GPC5: variants seen among roughly 807,000 people sequenced by gnomAD.
GPC5 encodes the protein glypican 5.
A neutral mutation model predicts 53.9 loss-of-function variants in GPC5; 47 were observed. The observed-to-expected ratio is 0.87, with a 90% CI of 0.69 to 1.11. The LOEUF (loss-of-function observed/expected upper bound fraction) is 1.11, where lower values mean the gene tolerates loss of function less well. Among genes scored for constraint, GPC5 ranks in the 50% most tolerant of loss-of-function variants. The pLI is 0.00. For synonymous variants in GPC5, 286 were observed against 263.3 expected (o/e 1.09, Z -0.84); for missense variants, 748 against 713.1 (o/e 1.05, Z -0.56).
intron 7 of GPC5, among the ~76,000 whole-genome samples, chr13:92,194,167 C>T (rs1052111761): frequency 1.3e-5 from 2 of 152,138 alleles, no homozygotes; most frequent in Non-Finnish European, 2.9e-5. Context: ...TTATGAAGTA[C>T]AGATTATTAT....
intron 7 of GPC5, among the ~76,000 whole-genome samples, chr13:92,658,349 A>G (rs1886208407): frequency 6.6e-6 from 1 of 152,186 alleles, no homozygotes; most frequent in African/African-American, 2.4e-5. Context: ...TGTATACTCA[A>G]TCTTATACAG....
intron 7 of GPC5, among the ~76,000 whole-genome samples, chr13:92,245,269 A>G (rs1181802087): frequency 6.6e-6 from 1 of 151,924 alleles, no homozygotes; most frequent in Non-Finnish European, 1.5e-5. Flanking sequence ...AAATATCACC[A>G]TTTCAAAGGG....
Position 92,144,972 on chromosome 13 carries a change from C to T in GPC5, c.1544C>T (p.Thr515Ile), listed in dbSNP as rs774072003. ...GGSGSGEVKR[T>I]LKITDWMPDD... ...TCAGGAAGTGGAGAAGTCAAGAGGA[C>T]ACTGAAGATCACAGACTGTAAGTGT... Residue 515 changes from threonine (T) to isoleucine (I), a missense_variant, in exon 7 of 8, where the codon ACA becomes ATA. Transcript: ENST00000377067. 3.3e-6 allele frequency: 5 copies of T among 1,520,444 alleles called. No individual in the cohort carries two copies. Among genetic ancestry groups the T allele is most frequent in the Non-Finnish European group, 4.4e-6 (5 of 1,138,902 alleles). The allele number at this position is 1,520,444 out of a possible 1,614,324, so 94.2% of individuals were successfully genotyped here.
At chr13:92,697,963 T>C (rs1194915216) in intron 7 of GPC5, among the ~76,000 whole-genome samples, 1 of 152,184 alleles carries the variant, frequency 6.6e-6, no homozygotes, top group Non-Finnish European at 1.5e-5. Context: ...TCATGTGGTT[T>C]TTGTCACTGG....
intron 7 of GPC5, among the ~76,000 whole-genome samples, chr13:92,659,691 TCAGACATTA>T (rs1886272167): frequency 6.6e-6 from 1 of 152,162 alleles, no homozygotes; most frequent in Non-Finnish European, 1.5e-5. Context: ...TTCAATAATG[TCAGACATTA>T]CAATGTTACA....
chr13:92,375,535 C>T (rs557050930), intron 7 of GPC5, among the ~76,000 whole-genome samples: 43 of 152,280 alleles, frequency 2.8e-4, no homozygotes, highest in African/African-American at 1.0e-3. Flanking sequence ...CAAAGTGCCT[C>T]AGCAGGCTTT....
At chr13:91,682,740 C>T (rs572499018) in intron 2 of GPC5, among the ~76,000 whole-genome samples, 1 of 152,264 alleles carries the variant, frequency 6.6e-6, no homozygotes, top group South Asian at 2.1e-4. Flanking sequence ...CACTAGTCAC[C>T]ATGCTGCATT....
intron 7 of GPC5, among the ~76,000 whole-genome samples, chr13:92,771,648 C>G (rs1228185340): frequency 1.3e-5 from 2 of 152,038 alleles, no homozygotes; most frequent in African/African-American, 4.8e-5. Flanking sequence ...CCGCCCTTAT[C>G]CAGTTTTTCT....
At chr13:92,079,272 G>A (rs773842783) in intron 6 of GPC5, among the ~76,000 whole-genome samples, 5 of 151,934 alleles carry the variant, frequency 3.3e-5, no homozygotes, top group Admixed American at 6.6e-5. Flanking sequence ...GGCTGGTCTC[G>A]AACTCCTGAC....
chr13:92,486,645 A>C (rs1879564753), intron 7 of GPC5, among the ~76,000 whole-genome samples: 1 of 152,212 alleles, frequency 6.6e-6, no homozygotes, highest in Non-Finnish European at 1.5e-5. Flanking sequence ...ATTTCTATGA[A>C]AGGAAATCAT....
chr13:92,104,263 C>T (rs1014157977), intron 6 of GPC5, among the ~76,000 whole-genome samples: 1 of 152,070 alleles, frequency 6.6e-6, no homozygotes, highest in Non-Finnish European at 1.5e-5. Context: ...TTGAAGGCTA[C>T]CAGGGAGCAG....
intron 6 of GPC5, among the ~76,000 whole-genome samples, chr13:92,001,327 T>A (rs2040552289): frequency 6.6e-6 from 1 of 152,240 alleles, no homozygotes; most frequent in Admixed American, 6.5e-5. Flanking sequence ...TAAATTTTAT[T>A]ATGTTTTTTG....
chr13:91,408,122 G>C (rs1309247072), intron 1 of GPC5, among the ~76,000 whole-genome samples: 2 of 152,048 alleles, frequency 1.3e-5, no homozygotes, highest in Admixed American at 1.3e-4. Flanking sequence ...ATTAACTGTA[G>C]TCACCATGCT....
intron 7 of GPC5, among the ~76,000 whole-genome samples, chr13:92,517,315 G>T (rs1880832656): frequency 1.3e-5 from 2 of 151,832 alleles, no homozygotes; most frequent in Non-Finnish European, 2.9e-5. Context: ...AAATGTCCCT[G>T]TCTGACAGCT....
chr13:92,670,985 A>C (rs940998037), intron 7 of GPC5, among the ~76,000 whole-genome samples: 3 of 152,196 alleles, frequency 2.0e-5, no homozygotes, highest in African/African-American at 7.2e-5. Context: ...TCCCCTTAGT[A>C]AATCTCAGAA....
intron 7 of GPC5, among the ~76,000 whole-genome samples, chr13:92,521,257 A>AAC (rs1268179913): frequency 6.6e-6 from 1 of 152,188 alleles, no homozygotes; most frequent in Non-Finnish European, 1.5e-5. Flanking sequence ...GAGTTTCTTC[A>AAC]CAGAATTGGA....
At chr13:91,559,393 C>A (rs2031133603) in intron 2 of GPC5, among the ~76,000 whole-genome samples, 1 of 152,094 alleles carries the variant, frequency 6.6e-6, no homozygotes, top group Non-Finnish European at 1.5e-5. Flanking sequence ...TCAGCTAAAG[C>A]CACAGACTGA....
At chr13:92,538,939 G>T (rs868692985) in intron 7 of GPC5, among the ~76,000 whole-genome samples, 3 of 41,650 alleles carry the variant, frequency 7.2e-5, no homozygotes, top group Admixed American at 3.2e-4. Context: ...TATATACCTT[G>T]TATATATATA....
chr13:91,463,036 T>C (rs1312063627), intron 2 of GPC5, among the ~76,000 whole-genome samples: 1 of 152,104 alleles, frequency 6.6e-6, no homozygotes, highest in Non-Finnish European at 1.5e-5. Context: ...TTCTACTGGT[T>C]ATATACAGTC....
Sources: gnomAD v4.1 joint callset for allele counts (sites outside exome capture counted in the v4.1 genomes callset) on GRCh38, gnomAD v4.1.1 for gene constraint, MANE v1.5 for transcripts, NCBI Gene and HGNC (gene_info 2026-07-23, HGNC 2026-07-21) for gene names.